The following ITPR1 variants were observed in gnomAD, a reference collection of about 807,000 sequenced individuals.
ITPR1 encodes inositol 1,4,5-trisphosphate receptor type 1, also known as inositol 1,4,5-trisphosphate-gated calcium channel ITPR1.
A neutral mutation model predicts 318.4 loss-of-function variants in ITPR1; 96 were observed. The ratio of observed to expected loss-of-function variants is 0.30; its 90% CI spans 0.26 to 0.36. ITPR1 has a LOEUF of 0.36. Among genes scored for constraint, ITPR1 ranks in the 10% least tolerant of loss-of-function variants. ITPR1 has a pLI of 1.00. For missense variants in ITPR1, 2,440 were observed against 3,460.2 expected (o/e 0.71, Z 7.40); for synonymous variants, 1,312 against 1,289.9 (o/e 1.02, Z -0.37).
intron 4 of ITPR1, among the ~76,000 whole-genome samples, chr3:4,589,202 G>A (rs1456936169): frequency 6.6e-6 from 1 of 152,036 alleles, no homozygotes; most frequent in Non-Finnish European, 1.5e-5. Flanking sequence ...ATATAAAACT[G>A]CAACCTAGGA....
At chr3:4,685,609 C>T (rs1354917374) in intron 30 of ITPR1, among the ~76,000 whole-genome samples, 2 of 152,220 alleles carry the variant, frequency 1.3e-5, no homozygotes, top group African/African-American at 2.4e-5. Flanking sequence ...GGGATGTGCC[C>T]ACTTTTGAAG....
At chr3:4,798,377 A>T (rs2048023585) in intron 53 of ITPR1, among the ~76,000 whole-genome samples, 1 of 152,246 alleles carries the variant, frequency 6.6e-6, no homozygotes, top group South Asian at 2.1e-4. Context: ...GTTATCAGGG[A>T]AATGTAAATT....
chr3:4,711,690 G>C, intron 38 of ITPR1, 67 bp from the exon 39 acceptor site: 1 of 828,540 alleles, frequency 1.2e-6, no homozygotes, highest in Admixed American at 2.1e-5. Context: ...AAAATAAATT[G>C]CTTGTGAAGT....
chr3:4,807,370 T>G (rs1211051609), intron 55 of ITPR1, among the ~76,000 whole-genome samples: 3 of 152,156 alleles, frequency 2.0e-5, no homozygotes, highest in African/African-American at 7.2e-5. Context: ...GTTAGAGATT[T>G]GAAAGTACAA....
In ITPR1 at chr3:4,693,480, C is replaced by G; in HGVS notation, c.4030-10C>G. The stretch of plus-strand genomic sequence containing the variant: ...GCTTGTAATCTAAACCCACCCTGTT[C>G]TTTATGTAGCTGGTCAATTCGGGAG... On this transcript the variant is annotated splice_polypyrimidine_tract_variant and intron_variant, in intron 32 of 61. Transcript: ENST00000649015. 6.2e-7 allele frequency: 1 copy of G among 1,611,940 alleles called. No homozygotes were observed. The highest frequency in any genetic ancestry group is 8.5e-7 in the Non-Finnish European group (1 of 1,178,192).
chr3:4,609,089 T>TATATATATACAC (rs1171860541), intron 4 of ITPR1, among the ~76,000 whole-genome samples: 1 of 91,938 alleles, frequency 1.1e-5, no homozygotes, highest in Non-Finnish European at 2.3e-5. Flanking sequence ...TATATATATA[T>TATATATATACAC]ACACACACAC....
chr3:4,733,215 G>A lies in ITPR1; in HGVS notation c.5348G>A (p.Gly1783Glu), dbSNP rs761431314. 10 of 1,613,898 alleles carry A rather than the reference G, an allele frequency of 6.2e-6. No homozygotes were observed. Among genetic ancestry groups the A allele is most frequent in the Non-Finnish European group, 8.5e-6 (10 of 1,179,890 alleles). ...GCAGGAGGACCCGGCAAGCCCGGGG[G>A]AGGAGGTACGCTTTGTGGTGTAATT... is the stretch of plus-strand genomic sequence containing the variant. Reference protein sequence around the residue: ...LSAGGPGKPGGGGGGSGSSSM... With the variant: ...LSAGGPGKPGEGGGGSGSSSM... Residue 1783 changes from glycine (G) to glutamate (E), a missense_variant, in exon 43 of 62, where the codon GGA becomes GAA. Gly to Glu is a moderately conservative substitution (Grantham distance 98). Coordinates refer to ENST00000649015, the MANE Select transcript of ITPR1 (RefSeq NM_001378452.1).
intron 4 of ITPR1, among the ~76,000 whole-genome samples, chr3:4,565,605 C>A (rs2087151788): frequency 6.6e-6 from 1 of 152,158 alleles, no homozygotes; most frequent in Admixed American, 6.5e-5. Flanking sequence ...CTCCCCTTGG[C>A]CCGCAGGAGA....
At chr3:4,603,544 C>G (rs956408431) in intron 4 of ITPR1, among the ~76,000 whole-genome samples, 1 of 152,162 alleles carries the variant, frequency 6.6e-6, no homozygotes, top group African/African-American at 2.4e-5. Flanking sequence ...ATTCTCCTGC[C>G]TCAGCCTCCT....
chr3:4,604,185 G>A (rs906966160), intron 4 of ITPR1, among the ~76,000 whole-genome samples: 4 of 152,174 alleles, frequency 2.6e-5, no homozygotes, highest in African/African-American at 9.7e-5. Context: ...CTGAGGATAT[G>A]TTTTAGGTGA....
intron 4 of ITPR1, among the ~76,000 whole-genome samples, chr3:4,530,350 G>C (rs1182824139): frequency 6.6e-6 from 1 of 152,218 alleles, no homozygotes; most frequent in African/African-American, 2.4e-5. Context: ...GTTCTTTTCT[G>C]ATATGATTTT....
Position 4,691,484 on chromosome 3 carries a change from G to A in ITPR1, c.4029+140G>A, listed in dbSNP as rs1303774900. The A allele has an allele frequency of 1.0e-5, 6 of 594,658 alleles. No individual in the cohort carries two copies. The Admixed American group carries it at 1.7e-4, about 17-fold the overall frequency. 36.8% of individuals were successfully genotyped at this position (594,658 alleles called of 1,614,324 possible). On this transcript the variant is annotated intron_variant, in intron 32 of 61. Transcript: ENST00000649015. ...AAAGTAATTGTGTGTGCATATGTCT[G>A]TGTCATCTCTTGTGTGAGCTTAAGT...
At chr3:4,829,203 C>CT (rs1199726277) in intron 60 of ITPR1, among the ~76,000 whole-genome samples, 2 of 152,212 alleles carry the variant, frequency 1.3e-5, no homozygotes, top group Non-Finnish European at 1.5e-5. Flanking sequence ...AGCTAGCTGA[C>CT]TTATACACTC....
At chr3:4,758,105 A>T (rs1245516730) in intron 44 of ITPR1, among the ~76,000 whole-genome samples, 1 of 152,112 alleles carries the variant, frequency 6.6e-6, no homozygotes, top group East Asian at 1.9e-4. Context: ...TTAACCTGAG[A>T]ACTTAAATCA....
intron 61 of ITPR1, among the ~76,000 whole-genome samples, chr3:4,844,884 T>G (rs532476123): frequency 6.6e-6 from 1 of 152,246 alleles, no homozygotes; most frequent in Non-Finnish European, 1.5e-5. Flanking sequence ...ATGCTAGTTT[T>G]GAAGAAGAAA....
At chr3:4,598,357 C>T (rs567823738) in intron 4 of ITPR1, among the ~76,000 whole-genome samples, 10 of 152,320 alleles carry the variant, frequency 6.6e-5, no homozygotes, top group Non-Finnish European at 1.2e-4. Flanking sequence ...CAGTGGCTCA[C>T]GCCTATAATC....
intron 41 of ITPR1, among the ~76,000 whole-genome samples, chr3:4,726,845 C>A (rs2042552682): frequency 6.6e-6 from 1 of 152,188 alleles, no homozygotes; most frequent in African/African-American, 2.4e-5. Flanking sequence ...TATAGAACTT[C>A]TTTTTCATGA....
chr3:4,786,189 C>A (rs1359711954), intron 51 of ITPR1, among the ~76,000 whole-genome samples: 1 of 152,204 alleles, frequency 6.6e-6, no homozygotes, highest in Non-Finnish European at 1.5e-5. Flanking sequence ...CAGGCAGGCT[C>A]TTGATAGCAG....
At position 4,558,598 on chromosome 3, in the gene ITPR1, A is replaced by T. The variant is rs79598450; in HGVS notation, c.163+37504A>T. The stretch of plus-strand genomic sequence containing the variant: ...CAGGAATTAAAGGGACTACTTTTTT[A>T]AAAAATGAAAACATACATAGGCAAG... On this transcript the variant is annotated intron_variant, in intron 4 of 61. Transcript: ENST00000649015. Among the ~76,000 whole-genome samples, 691 of 152,280 alleles carry T rather than the reference A, an allele frequency of 4.5e-3. 20 individuals are homozygous for T. The East Asian group carries it at 0.081, about 18-fold the overall frequency.
Sources: allele counts gnomAD v4.1 joint callset (sites outside exome capture counted in the v4.1 genomes callset), GRCh38; gene constraint gnomAD v4.1.1; transcripts MANE v1.5; gene names NCBI Gene and HGNC (gene_info 2026-07-23, HGNC 2026-07-21).